CRB2: variants seen among roughly 807,000 people sequenced by gnomAD.
CRB2 encodes the protein crumbs cell polarity complex component 2, also known as protein crumbs homolog 2.
In CRB2, 85 loss-of-function variants were observed where a neutral mutation model predicts 110.9. That is an observed-to-expected ratio of 0.77 (90% CI 0.64 to 0.92). CRB2 has a LOEUF of 0.92. Ranked by LOEUF, CRB2 falls within the 40% of genes least tolerant of loss-of-function variation. The probability of loss-of-function intolerance (pLI) is 0.00; values close to 1 mark genes in which losing one functional copy is unlikely to be tolerated. For missense variants in CRB2, 1,843 were observed against 1,851.3 expected, an observed-to-expected ratio of 1.00 and a Z score of 0.08; for synonymous variants, 907 against 831.0, an observed-to-expected ratio of 1.09 and a Z score of -1.57.
At chr9:123,374,840 T>A (rs2042079586) in intron 11 of CRB2, 145 bp downstream of exon 11, 5 of 640,108 alleles carry the variant, frequency 7.8e-6, no homozygotes, top group Non-Finnish European at 1.3e-5. Flanking sequence ...TTTCCTTCCA[T>A]GACTCGCAAG....
rs867829707 is a variant in CRB2, at chr9:123,366,102, C to G, written c.604C>G (p.Leu202Val). Residue 202 changes from leucine (L) to valine (V), a missense_variant, in exon 3 of 13, where the codon CTG becomes GTG. By Grantham distance (32) the Leu-to-Val change is conservative. Coordinates refer to ENST00000373631, the MANE Select transcript of CRB2 (RefSeq NM_173689.7). ...CGCACATGGGGGCACGTGCCACGAC[C>G]TGGTCAACGGGTGAGCGAGCGGCGG... ...PCAHGGTCHD[L>V]VNGFRCDCAG... is the part of the protein sequence containing the mutation. 1.3e-6 allele frequency: 2 copies of G among 1,509,696 alleles called. No homozygotes were observed. Among genetic ancestry groups the G allele is most frequent in the East Asian group, 2.6e-5 (1 of 37,860 alleles). 93.5% of individuals were successfully genotyped at this position (1,509,696 alleles called of 1,614,324 possible). A position where few individuals can be genotyped will look rare whatever the true frequency, so the allele number is the denominator to read the frequency against.
chr9:123,368,374 G>A lies in CRB2; in HGVS notation c.1054+688G>A, dbSNP rs982206277. Among the ~76,000 whole-genome samples, 4 of 152,284 alleles carry A rather than the reference G, an allele frequency of 2.6e-5. 1 individual carries two copies. In the South Asian group the frequency reaches 6.2e-4, roughly 24 times the overall value. On this transcript the variant is annotated intron_variant, in intron 6 of 12. Transcript: ENST00000373631. ...AGCCCTGGATGGCTGACACTCCTGG[G>A]GGTCCCGAAGGCCCATCCACTGCCT...
In CRB2 at chr9:123,373,431, C is replaced by T. The variant is rs751005012; in HGVS notation, c.2900C>T (p.Ala967Val). 5.5e-6 allele frequency: 8 copies of T among 1,446,968 alleles called. No homozygotes were observed. The highest frequency in any genetic ancestry group is 5.2e-5 in the Admixed American group (2 of 38,114). 89.6% of individuals were successfully genotyped at this position (1,446,968 alleles called of 1,614,324 possible). A position where few individuals can be genotyped will look rare whatever the true frequency, so the allele number is the denominator to read the frequency against. The stretch of plus-strand genomic sequence containing the variant: ...GTGCGTCTGGCCATGGAGCGCCCGG[C>T]GGCCACCACCTCGCGCTGGCTGCTG... Reference protein sequence around the residue: ...HRVRLAMERPAATTSRWLLWL... With the variant: ...HRVRLAMERPVATTSRWLLWL... The change falls in exon 10 of 13, where the codon GCG (alanine) becomes GTG (valine). Residue 967 changes from alanine to valine, a missense_variant. Ala to Val is a moderately conservative substitution (Grantham distance 64). Transcript: ENST00000373631.
intron 12 of CRB2, 78 bp from the exon 13 acceptor site, chr9:123,376,760 T>C: frequency 1.5e-6 from 2 of 1,328,024 alleles, no homozygotes; most frequent in Non-Finnish European, 2.1e-6. Flanking sequence ...GTCCTTGTGC[T>C]GCGCTCTCTG....
rs928271483 is a variant in CRB2 at position 123,373,165 on chromosome 9, C to T, written c.2634C>T (p.Pro878=). 2.0e-6 allele frequency: 3 copies of T among 1,514,328 alleles called. No individual in the cohort carries two copies. Among genetic ancestry groups the T allele is most frequent in the Admixed American group, 4.1e-5 (2 of 48,928 alleles). 93.8% of individuals were successfully genotyped at this position (1,514,328 alleles called of 1,614,324 possible). Residue 878 remains proline, a synonymous_variant, in exon 10 of 13, where the codon CCC becomes CCT. Coordinates refer to ENST00000373631, the MANE Select transcript of CRB2 (RefSeq NM_173689.7). ...CGGAGGCCACGTTCCGCGAGGGTCC[C>T]CCCGCCGCGTTCAGCGGGCACAACG... The part of the protein sequence containing the change: ...CVAEATFREG[P]PAAFSGHNAS...
At chr9:123,372,419 G>A in intron 9 of CRB2, 77 bp downstream of exon 9, 1 of 1,500,772 alleles carries the variant, frequency 6.7e-7, no homozygotes, top group Admixed American at 2.2e-5. Flanking sequence ...GCACTCTCAG[G>A]GCTTGTAGGA....
chr9:123,373,608 TGGCGCGGCCCCGGCCC>T lies in CRB2; in HGVS notation c.3089_3104del (p.Arg1030LeufsTer106), dbSNP rs879255251. The T allele has an allele frequency of 3.9e-5, 53 of 1,374,404 alleles. No homozygotes were observed. Among genetic ancestry groups the T allele is most frequent in the Non-Finnish European group, 4.5e-5 (48 of 1,070,120 alleles). The allele number at this position is 1,374,404 out of a possible 1,614,324, so 85.1% of individuals were successfully genotyped here. A position where few individuals can be genotyped will look rare whatever the true frequency, so the allele number is the denominator to read the frequency against. ...GCGCTGGGCGGCCTGCCCCTGCCCT[TGGCGCGGCCCCGGCCC>T]GGCGCGGCCCCTGGCGCCCGAGAGC... On this transcript the variant is annotated frameshift_variant, in exon 10 of 13. Transcript: ENST00000373631. LOFTEE classifies it high-confidence loss of function.
chr9:123,371,840 T>C (rs1403631794), intron 8 of CRB2, among the ~76,000 whole-genome samples: 1 of 152,080 alleles, frequency 6.6e-6, no homozygotes, highest in Non-Finnish European at 1.5e-5. Flanking sequence ...CTGACCGAGA[T>C]AGAGAGCTGC....
At chr9:123,376,091 A>C (rs1004727338) in intron 12 of CRB2, among the ~76,000 whole-genome samples, 1 of 152,014 alleles carries the variant, frequency 6.6e-6, no homozygotes, top group Non-Finnish European at 1.5e-5. Flanking sequence ...TCCCCAGGGC[A>C]GGGGGAGGAA....
At chr9:123,374,209 AG>A in intron 10 of CRB2, 2 of 600,990 alleles carry the variant, frequency 3.3e-6, no homozygotes, top group Non-Finnish European at 5.9e-6. Context: ...GGGTGGAGGG[AG>A]GGGGTCAGGC....
chr9:123,362,552 G>T (rs963587731), intron 1 of CRB2, among the ~76,000 whole-genome samples: 4 of 152,168 alleles, frequency 2.6e-5, no homozygotes, highest in African/African-American at 9.7e-5. Flanking sequence ...CTCAAAGGGG[G>T]ACTGCAGGGA....
upstream of CRB2, among the ~76,000 whole-genome samples, chr9:123,354,113 C>T (rs1422469468): frequency 6.6e-6 from 1 of 152,232 alleles, no homozygotes; most frequent in East Asian, 1.9e-4. Flanking sequence ...GACCTCCGTC[C>T]TGCCTGCTGT....
downstream of CRB2, chr9:123,378,846 G>A (rs2042154469): frequency 1.1e-5 from 1 of 92,660 alleles, no homozygotes; most frequent in African/African-American, 3.9e-5. Context: ...ATGGAGTCTA[G>A]TTCTGTCACC....
chr9:123,372,743 A>C (rs990829651), intron 9 of CRB2, among the ~76,000 whole-genome samples: 1 of 152,114 alleles, frequency 6.6e-6, no homozygotes, highest in Non-Finnish European at 1.5e-5. Context: ...TAAACAGGAG[A>C]GGGGCATGAC....
Position 123,359,946 on chromosome 9 carries a change from AT to A in CRB2, c.95-2907del, listed in dbSNP as rs56027398. ...TGTATTCCTGTGAAAACCTTTAGAGATTTTTTTTTTTTCCTGGGTGAGGCAG... is the reference window on the plus strand; with the variant it reads ...TGTATTCCTGTGAAAACCTTTAGAGATTTTTTTTTTTCCTGGGTGAGGCAG... On this transcript the variant is annotated intron_variant, in intron 1 of 12. Transcript: ENST00000373631. 1.6e-3 allele frequency among the ~76,000 whole-genome samples: 241 copies of A among 147,354 alleles called. 1 individual carries two copies. Among genetic ancestry groups the A allele is most frequent in the African/African-American group, 3.3e-3 (132 of 40,134 alleles).
intron 5 of CRB2, 101 bp from the exon 6 acceptor site, chr9:123,367,472 C>A: frequency 8.7e-7 from 1 of 1,154,076 alleles, no homozygotes; most frequent in African/African-American, 1.7e-5. Flanking sequence ...CCGAGTCTGC[C>A]CTCTCTCTTG....
downstream of CRB2, among the ~76,000 whole-genome samples, chr9:123,379,372 G>C (rs1423302075): frequency 6.6e-6 from 1 of 152,212 alleles, no homozygotes; most frequent in Non-Finnish European, 1.5e-5. Context: ...CTGGCTCCTG[G>C]GTGCCCTCAA....
Position 123,361,137 on chromosome 9 carries a change from A to AAG in CRB2, c.95-1728_95-1727insAG, listed in dbSNP as rs1554781915. ...AAAGCTTCAGATTGGATGGGCGGGGAGGGGGGGGGGTTCCTTGCACTGCAC... is the reference window on the plus strand; with the variant it reads ...AAAGCTTCAGATTGGATGGGCGGGGAAGGGGGGGGGGGTTCCTTGCACTGCAC... On this transcript the variant is annotated intron_variant, in intron 1 of 12. Coordinates refer to ENST00000373631, the MANE Select transcript of CRB2 (RefSeq NM_173689.7). Among the ~76,000 whole-genome samples, 264 of 53,842 alleles carry AAG rather than the reference A, an allele frequency of 4.9e-3. 14 individuals carry two copies. Among genetic ancestry groups the AAG allele is most frequent in the East Asian group, 0.012 (19 of 1,590 alleles). The allele number at this position is 53,842 out of a possible 152,430, so 35.3% of individuals were successfully genotyped here.
rs111594423 is a variant in CRB2, at chr9:123,370,777, C to A, written c.1724C>A (p.Thr575Asn). 3.0e-5 allele frequency: 48 copies of A among 1,602,780 alleles called. No homozygotes were observed. In the African/African-American group the frequency reaches 3.9e-4, roughly 13 times the overall value. ...TCCTCTGCCCAGCTGGGGGACGCGA[C>A]CTTTGCAGGCTGCCTCCAGGACGTG... ...GISSAQLGDA[T>N]FAGCLQDVRV... The change falls in exon 7 of 13, where the codon ACC becomes AAC. Residue 575 changes from threonine to asparagine, a missense_variant. Coordinates refer to ENST00000373631, the MANE Select transcript of CRB2 (RefSeq NM_173689.7).
Sources: gnomAD v4.1 joint callset for allele counts (sites outside exome capture counted in the v4.1 genomes callset) on GRCh38, gnomAD v4.1.1 for gene constraint, MANE v1.5 for transcripts, NCBI Gene and HGNC (gene_info 2026-07-23, HGNC 2026-07-21) for gene names.